Variants in RBPMS observed in about 807,000 individuals in gnomAD.
RBPMS encodes the protein RNA binding protein, mRNA processing factor, also known as RNA-binding protein with multiple splicing.
A neutral mutation model predicts 26.8 loss-of-function variants in RBPMS; 7 were observed. The observed-to-expected ratio is 0.26, with a 90% CI of 0.15 to 0.49. The LOEUF (loss-of-function observed/expected upper bound fraction) is 0.49, where lower values mean the gene tolerates loss of function less well. RBPMS is among the 20% of genes least tolerant of loss of function. RBPMS has a pLI of 0.98. For missense variants in RBPMS, 186 were observed against 250.0 expected, an observed-to-expected ratio of 0.74 and a Z score of 1.73; for synonymous variants, 96 against 93.3, an observed-to-expected ratio of 1.03 and a Z score of -0.17.
At chr8:30,468,883 T>C (rs536135834) in intron 1 of RBPMS, among the ~76,000 whole-genome samples, 1 of 145,746 alleles carries the variant, frequency 6.9e-6, no homozygotes, top group South Asian at 2.3e-4. Flanking sequence ...ATTAACACCA[T>C]GGGTTTACTC....
chr8:30,539,180 T>TGTGTCATGGCTGCTGTTTTTCC (rs1174015031), intron 5 of RBPMS, among the ~76,000 whole-genome samples: 1 of 152,246 alleles, frequency 6.6e-6, no homozygotes, highest in Non-Finnish European at 1.5e-5. Context: ...TTGGATTTTC[T>TGTGTCATGGCTGCTGTTTTTCC]GTGTCATGGC....
intron 6 of RBPMS, among the ~76,000 whole-genome samples, chr8:30,551,115 A>T (rs1264448197): frequency 6.6e-6 from 1 of 152,160 alleles, no homozygotes; most frequent in Non-Finnish European, 1.5e-5. Context: ...AAACCCGAGA[A>T]TCTGCCCCCG....
At chr8:30,391,054 T>G (rs188924228) in intron 1 of RBPMS, among the ~76,000 whole-genome samples, 4,174 of 152,054 alleles carry the variant, frequency 0.027, 91 homozygotes, top group Middle Eastern at 0.048. Context: ...ATTAGGAACC[T>G]CCATTTGCGA....
intron 1 of RBPMS, chr8:30,442,601 G>A (rs544133928): frequency 1.1e-4 from 17 of 152,376 alleles, no homozygotes; most frequent in African/African-American, 3.4e-4. Flanking sequence ...AGTCCTCCAG[G>A]GATCCGCATC....
chr8:30,496,529 C>T (rs1432204135), intron 4 of RBPMS, among the ~76,000 whole-genome samples: 1 of 152,148 alleles, frequency 6.6e-6, no homozygotes, highest in Non-Finnish European at 1.5e-5. Flanking sequence ...GGAGTACTAA[C>T]CATGGCTGAG....
intron 5 of RBPMS, among the ~76,000 whole-genome samples, chr8:30,512,881 T>C (rs768959355): frequency 8.0e-5 from 12 of 150,324 alleles, no homozygotes; most frequent in Non-Finnish European, 1.3e-4. Context: ...GAGAGAGGAG[T>C]TCAGTTAGTG....
At chr8:30,477,764 AC>A (rs757066878) in intron 2 of RBPMS, 34 bp from the exon 3 acceptor site, 4 of 1,486,472 alleles carry the variant, frequency 2.7e-6, no homozygotes, top group Non-Finnish European at 3.8e-6. Flanking sequence ...TACTACAGTT[AC>A]TTTTGGCTAA....
At position 30,559,018 on chromosome 8, in the gene RBPMS, T is replaced by C; in HGVS notation, c.*7+62T>C. The C allele has an allele frequency of 2.9e-6, 4 of 1,386,518 alleles. No individual in the cohort carries two copies. The South Asian group carries it at 3.5e-5, about 12-fold the overall frequency. 85.9% of individuals were successfully genotyped at this position (1,386,518 alleles called of 1,614,324 possible). A position where few individuals can be genotyped will look rare whatever the true frequency, so the allele number is the denominator to read the frequency against. ...CTAGAACACATCTGTACATGGTGGG[T>C]GCGCCATGAACGCAGCTCTCCTCCT... On this transcript the variant is annotated intron_variant, in intron 7 of 8. Transcript: ENST00000397323.
intron 1 of RBPMS, among the ~76,000 whole-genome samples, chr8:30,429,316 G>A (rs1811688955): frequency 6.6e-6 from 1 of 152,172 alleles, no homozygotes; most frequent in Admixed American, 6.5e-5. Flanking sequence ...GCCCCTGTCT[G>A]TCTTAAGCAC....
intron 6 of RBPMS, chr8:30,556,237 ACTC>A (rs1272790218): frequency 1.0e-6 from 1 of 984,964 alleles, no homozygotes; most frequent in Non-Finnish European, 1.2e-6. Flanking sequence ...TGGCGTCCTC[ACTC>A]CTCAGCTGAG....
intron 1 of RBPMS, among the ~76,000 whole-genome samples, chr8:30,420,706 A>G (rs1810671977): frequency 6.6e-6 from 1 of 152,220 alleles, no homozygotes; most frequent in Admixed American, 6.5e-5. Flanking sequence ...TTTTGGGAAA[A>G]TTACTTATGC....
intron 5 of RBPMS, among the ~76,000 whole-genome samples, chr8:30,525,452 T>C (rs562112501): frequency 6.6e-6 from 1 of 152,356 alleles, no homozygotes; most frequent in South Asian, 2.1e-4. Context: ...TCCCTATTTA[T>C]ATATGTTAAG....
chr8:30,514,245 C>T (rs919262030), intron 5 of RBPMS, among the ~76,000 whole-genome samples: 1 of 152,034 alleles, frequency 6.6e-6, no homozygotes, highest in Non-Finnish European at 1.5e-5. Context: ...CAGTGCAAGT[C>T]GTTTTATGAT....
chr8:30,504,420 C>T lies in RBPMS; in HGVS notation c.381C>T (p.Phe127=), dbSNP rs2150934742. The T allele has an allele frequency of 6.2e-7, 1 of 1,614,080 alleles. No homozygotes were observed. Among genetic ancestry groups the T allele is most frequent in the Non-Finnish European group, 8.5e-7 (1 of 1,179,954 alleles). The part of the protein sequence containing the change: ...STPLPNTVPQ[F]IAREPYELTV... ...CTCTGCCCAACACTGTACCTCAGTT[C>T]ATTGCCAGAGAGCCATGTAAGTCGA... Residue 127 remains phenylalanine, a synonymous_variant, in exon 5 of 9, where the codon TTC becomes TTT. Coordinates refer to ENST00000397323, the MANE Select transcript of RBPMS (RefSeq NM_001008710.3).
chr8:30,447,591 T>G (rs768084511), intron 1 of RBPMS, among the ~76,000 whole-genome samples: 4 of 152,158 alleles, frequency 2.6e-5, no homozygotes, highest in Non-Finnish European at 4.4e-5. Context: ...ATCTCCTAAT[T>G]CTTAATTTAG....
intron 1 of RBPMS, among the ~76,000 whole-genome samples, chr8:30,391,966 T>A (rs759488808): frequency 2.0e-5 from 3 of 152,040 alleles, no homozygotes; most frequent in Non-Finnish European, 4.4e-5. Context: ...TTATGATGAT[T>A]GTGCTGCTTT....
At chr8:30,514,680 C>CTTTT (rs577244764) in intron 5 of RBPMS, among the ~76,000 whole-genome samples, 12,310 of 80,924 alleles carry the variant, frequency 0.15, 2,482 homozygotes, top group East Asian at 0.24. Flanking sequence ...CCATGCCGGG[C>CTTTT]TTTTTTTTTT....
At chr8:30,442,752 T>A (rs963749868) in intron 1 of RBPMS, 1 of 151,966 alleles carries the variant, frequency 6.6e-6, no homozygotes, top group Non-Finnish European at 1.5e-5. Flanking sequence ...GGAGCGAGTC[T>A]CCTGGGCCCG....
chr8:30,426,477 C>CT lies in RBPMS; in HGVS notation c.66+41321dup, dbSNP rs1811358886. ...TACAAATTGAAGGGTGAATGAATACCTTATCGGCAGATCATGAACATTTGG... is the reference window on the plus strand; with the variant it reads ...TACAAATTGAAGGGTGAATGAATACCTTTATCGGCAGATCATGAACATTTGG... On this transcript the variant is annotated intron_variant, in intron 1 of 8. Coordinates refer to ENST00000397323, the MANE Select transcript of RBPMS (RefSeq NM_001008710.3). Among the ~76,000 whole-genome samples, 5 of 152,214 alleles carry CT rather than the reference C, an allele frequency of 3.3e-5. No individual in the cohort carries two copies. The South Asian group carries it at 1.0e-3, about 32-fold the overall frequency.
Sources: allele counts gnomAD v4.1 joint callset (sites outside exome capture counted in the v4.1 genomes callset), GRCh38; gene constraint gnomAD v4.1.1; transcripts MANE v1.5; gene names NCBI Gene and HGNC (gene_info 2026-07-23, HGNC 2026-07-21).